The following S100Z variants were observed in gnomAD, a reference collection of about 807,000 sequenced individuals.
S100Z encodes the protein protein S100-Z.
S100Z carries 11 observed loss-of-function variants against 8.5 expected under a neutral mutation model. The ratio of observed to expected loss-of-function variants is 1.30; its 90% CI spans 0.82 to 2.15. S100Z has a LOEUF of 2.15. Ranked by LOEUF, S100Z falls within the 30% of genes most tolerant of loss-of-function variation. The pLI is 0.00. For missense variants in S100Z, 126 were observed against 117.9 expected (o/e 1.07, Z -0.32); for synonymous variants, 34 against 43.8 (o/e 0.78, Z 0.89).
chr5:76,883,915 G>A (rs982100864), intron 4 of S100Z, among the ~76,000 whole-genome samples: 3 of 152,198 alleles, frequency 2.0e-5, no homozygotes, highest in Admixed American at 6.5e-5. Flanking sequence ...TGGAGTTCTT[G>A]TGTGCTGGAG....
intron 1 of S100Z, among the ~76,000 whole-genome samples, chr5:76,860,452 G>A (rs1280098582): frequency 1.3e-5 from 2 of 152,230 alleles, no homozygotes; most frequent in East Asian, 3.9e-4. Flanking sequence ...CTCTGAGATG[G>A]CCCGACCCTC....
intron 4 of S100Z, among the ~76,000 whole-genome samples, chr5:76,894,477 A>G (rs1329552688): frequency 1.3e-5 from 2 of 152,190 alleles, no homozygotes; most frequent in African/African-American, 2.4e-5. Flanking sequence ...GACTTTTTTC[A>G]TTGACAGACA....
At chr5:76,915,673 A>C (rs1301931386) in intron 4 of S100Z, among the ~76,000 whole-genome samples, 2 of 152,082 alleles carry the variant, frequency 1.3e-5, no homozygotes, top group Admixed American at 1.3e-4. Context: ...TGGTAGGCTT[A>C]AGCCCAAACA....
At position 76,900,275 on chromosome 5, in the gene S100Z, C is replaced by T. The variant is rs565190248; in HGVS notation, c.*3-20442C>T. Among the ~76,000 whole-genome samples, 14 of 149,664 alleles carry T rather than the reference C, an allele frequency of 9.4e-5. No individual in the cohort carries two copies. The South Asian group carries it at 2.8e-3, about 29-fold the overall frequency. The stretch of plus-strand genomic sequence containing the variant: ...CTTGCACTTGAATATTGATATCTTT[C>T]TCTAAGTTTGGGAAGTCCTCTGTTA... On this transcript the variant is annotated intron_variant, in intron 4 of 4. Coordinates refer to ENST00000317593, the MANE Select transcript of S100Z (RefSeq NM_130772.4).
chr5:76,903,388 T>C (rs1291360204), intron 4 of S100Z, among the ~76,000 whole-genome samples: 1 of 152,198 alleles, frequency 6.6e-6, no homozygotes, highest in East Asian at 1.9e-4. Context: ...TAATCTATGA[T>C]TTTGTATATA....
chr5:76,856,052 C>T (rs1750872145), intron 1 of S100Z, among the ~76,000 whole-genome samples: 2 of 152,154 alleles, frequency 1.3e-5, no homozygotes, highest in African/African-American at 4.8e-5. Context: ...CTTCCTCCTC[C>T]TTCCTCCTCC....
chr5:76,866,235 C>T (rs1415861242), intron 1 of S100Z, among the ~76,000 whole-genome samples: 3 of 151,722 alleles, frequency 2.0e-5, no homozygotes, highest in Non-Finnish European at 2.9e-5. Flanking sequence ...CAGGCATGCG[C>T]CACCATGCCC....
chr5:76,950,747 T>C, the S100Z span, among the ~76,000 whole-genome samples: 1 of 152,062 alleles, frequency 6.6e-6, no homozygotes, highest in African/African-American at 2.4e-5. Flanking sequence ...AAAAAAAAAA[T>C]CCAGTTTGCT....
intron 4 of S100Z, among the ~76,000 whole-genome samples, chr5:76,901,143 G>GCC (rs1561244642): frequency 6.6e-6 from 1 of 152,144 alleles, no homozygotes; most frequent in Non-Finnish European, 1.5e-5. Flanking sequence ...CACTCCTGTG[G>GCC]CCACCACCAC....
Position 76,898,936 on chromosome 5 carries a change from T to TTC in S100Z, c.*2+21103_*2+21104insCT, listed in dbSNP as rs201346284. On this transcript the variant is annotated intron_variant, in intron 4 of 4. Coordinates refer to ENST00000317593, the MANE Select transcript of S100Z (RefSeq NM_130772.4). ...TTGGGTCCTGGGCTTTTCTTTTCTT[T>TTC]TTTTTTTTTTTTTTTTGAGACAGAA... Among the ~76,000 whole-genome samples the TTC allele has an allele frequency of 5.3e-3, 744 of 140,756 alleles. 6 individuals carry two copies. Among genetic ancestry groups the TTC allele is most frequent in the African/African-American group, 0.012 (454 of 38,136 alleles). The allele number at this position is 140,756 out of a possible 152,430, so 92.3% of individuals were successfully genotyped here.
At chr5:76,908,335 G>A (rs565157820) in intron 4 of S100Z, among the ~76,000 whole-genome samples, 8 of 152,196 alleles carry the variant, frequency 5.3e-5, no homozygotes, top group South Asian at 4.2e-4. Context: ...AAGTCATGTC[G>A]CCCAAGCAAG....
At chr5:76,855,550 C>G (rs919643253) in intron 1 of S100Z, among the ~76,000 whole-genome samples, 2 of 152,158 alleles carry the variant, frequency 1.3e-5, no homozygotes, top group Non-Finnish European at 2.9e-5. Context: ...TGTGTGGGGC[C>G]TCTGGCCTCT....
At chr5:76,853,773 G>A (rs1389592849) in intron 1 of S100Z, among the ~76,000 whole-genome samples, 1 of 151,654 alleles carries the variant, frequency 6.6e-6, no homozygotes, top group Non-Finnish European at 1.5e-5. Context: ...CTCCAGCCTG[G>A]GTGACAGTGC....
At chr5:76,892,076 T>G (rs1743881978) in intron 4 of S100Z, among the ~76,000 whole-genome samples, 1 of 152,152 alleles carries the variant, frequency 6.6e-6, no homozygotes, top group East Asian at 1.9e-4. Context: ...AGGTTATTAT[T>G]ATGTACCTTC....
intron 1 of S100Z, among the ~76,000 whole-genome samples, chr5:76,862,597 G>A (rs575932899): frequency 3.3e-5 from 5 of 152,208 alleles, no homozygotes; most frequent in South Asian, 2.1e-4. Context: ...CCAGGAGTTC[G>A]AGACCAGCCT....
At chr5:76,867,101 T>C (rs915246243) in intron 1 of S100Z, among the ~76,000 whole-genome samples, 1 of 152,322 alleles carries the variant, frequency 6.6e-6, no homozygotes, top group Non-Finnish European at 1.5e-5. Context: ...AGCTTTGAGT[T>C]ATAATTGACA....
At chr5:76,937,586 T>C in the S100Z span, among the ~76,000 whole-genome samples, 1 of 151,476 alleles carries the variant, frequency 6.6e-6, no homozygotes, top group Non-Finnish European at 1.5e-5. Context: ...TGAGACCTTG[T>C]CTCTACCATA....
intron 2 of S100Z, among the ~76,000 whole-genome samples, chr5:76,872,966 C>G (rs2150636700): frequency 6.6e-6 from 1 of 152,178 alleles, no homozygotes; most frequent in South Asian, 2.1e-4. Context: ...AGAGTCAGAC[C>G]TTGCCTCAAA....
chr5:76,943,398 A>G, the S100Z span, among the ~76,000 whole-genome samples: 1 of 152,204 alleles, frequency 6.6e-6, no homozygotes, highest in Admixed American at 6.5e-5. Context: ...TTTCTAACTT[A>G]GCCTAAGAGG....
Sources: allele counts gnomAD v4.1 joint callset (sites outside exome capture counted in the v4.1 genomes callset), GRCh38; gene constraint gnomAD v4.1.1; transcripts MANE v1.5; gene names NCBI Gene and HGNC (gene_info 2026-07-23, HGNC 2026-07-21).